The following SUFU variants were observed in gnomAD, a reference collection of about 807,000 sequenced individuals.
SUFU encodes the protein suppressor of fused homolog.
A neutral mutation model predicts 58.9 loss-of-function variants in SUFU; 7 were observed. The ratio of observed to expected loss-of-function variants is 0.12; its 90% CI spans 0.07 to 0.22. The LOEUF is 0.22. Among genes scored for constraint, SUFU ranks in the 10% least tolerant of loss-of-function variants. The pLI is 1.00. For synonymous variants in SUFU, 232 were observed against 254.8 expected, an observed-to-expected ratio of 0.91 and a Z score of 0.85; for missense variants, 451 against 641.3, an observed-to-expected ratio of 0.70 and a Z score of 3.20.
chr10:102,594,714 C>T (rs146691002), intron 6 of SUFU, among the ~76,000 whole-genome samples: 23 of 152,204 alleles, frequency 1.5e-4, no homozygotes, highest in Admixed American at 7.8e-4. Context: ...GCCACAAGAA[C>T]GTAACTGCCT....
chr10:102,567,006 CTTTTTT>C (rs1175563323), intron 3 of SUFU, among the ~76,000 whole-genome samples: 22 of 64,666 alleles, frequency 3.4e-4, no homozygotes, highest in Admixed American at 1.1e-3. Context: ...GAAACAGGCT[CTTTTTT>C]TTTTTTTTTT....
At position 102,536,712 on chromosome 10, in the gene SUFU, T is replaced by G. The variant is rs7921939; in HGVS notation, c.318-13258T>G. 1.8e-4 allele frequency among the ~76,000 whole-genome samples: 28 copies of G among 152,344 alleles called. No individual in the cohort carries two copies. In the East Asian group the frequency reaches 4.8e-3, roughly 26 times the overall value. On this transcript the variant is annotated intron_variant, in intron 2 of 11. Coordinates refer to ENST00000369902, the MANE Select transcript of SUFU (RefSeq NM_016169.4). ...TTTACTCACATTTAAAATTTCGTAT[T>G]TACATCAACATTTTGAATCATACTT...
At chr10:102,573,173 T>G (rs2063180253) in intron 3 of SUFU, 2 of 769,792 alleles carry the variant, frequency 2.6e-6, no homozygotes, top group Middle Eastern at 2.6e-4. Flanking sequence ...AGCCTTTGCT[T>G]TGGCTTCGGC....
intron 2 of SUFU, among the ~76,000 whole-genome samples, chr10:102,547,683 A>G (rs770174623): frequency 2.0e-4 from 31 of 152,298 alleles, no homozygotes; most frequent in African/African-American, 7.5e-4. Context: ...TTAGCTGGAC[A>G]TGGTGGTGCA....
chr10:102,528,060 A>G (rs1157840876), intron 2 of SUFU, among the ~76,000 whole-genome samples: 1 of 152,160 alleles, frequency 6.6e-6, no homozygotes, highest in East Asian at 1.9e-4. Context: ...TATTGATGCC[A>G]AGAAACCCAA....
chr10:102,514,583 C>A (rs540474553), intron 2 of SUFU, among the ~76,000 whole-genome samples: 97 of 152,352 alleles, frequency 6.4e-4, no homozygotes, highest in Non-Finnish European at 1.1e-3. Flanking sequence ...CTGCTCCCAA[C>A]TGACCTGAGT....
intron 2 of SUFU, among the ~76,000 whole-genome samples, chr10:102,526,294 T>G (rs1207922352): frequency 6.6e-6 from 1 of 151,856 alleles, no homozygotes; most frequent in African/African-American, 2.4e-5. Flanking sequence ...GACTCATGCC[T>G]CTAATCCCAG....
chr10:102,615,253 G>A lies in SUFU; in HGVS notation c.1023-15G>A. On this transcript the variant is annotated splice_polypyrimidine_tract_variant and intron_variant, in intron 8 of 11. Transcript: ENST00000369902. ...TTCACCTTGTGCCGAACCTTTTCCT[G>A]TGCTTGCTTCACAGGAGCCGCAAAG... 6.2e-7 allele frequency: 1 copy of A among 1,614,062 alleles called. No individual in the cohort carries two copies. Among genetic ancestry groups the A allele is most frequent in the Non-Finnish European group, 8.5e-7 (1 of 1,180,008 alleles).
At chr10:102,534,506 G>A (rs924285870) in intron 2 of SUFU, among the ~76,000 whole-genome samples, 1 of 152,206 alleles carries the variant, frequency 6.6e-6, no homozygotes, top group African/African-American at 2.4e-5. Context: ...CGGAGGCCAC[G>A]CAAGGGGAAA....
At chr10:102,541,697 C>CT (rs869264798) in intron 2 of SUFU, among the ~76,000 whole-genome samples, 3,018 of 56,082 alleles carry the variant, frequency 0.054, 108 homozygotes, top group East Asian at 0.092. Flanking sequence ...CCGCGCCCGG[C>CT]TTTTTTTTTT....
Position 102,625,867 on chromosome 10 carries a change from CTCCT to C in SUFU, c.1297-1302_1297-1299del, listed in dbSNP as rs2063782088. On this transcript the variant is annotated intron_variant, in intron 10 of 11. Coordinates refer to ENST00000369902, the MANE Select transcript of SUFU (RefSeq NM_016169.4). The surrounding 1 kb of genome is among the most constrained non-coding windows in gnomAD (Gnocchi z 4.7). ...CTGTGTGCTCACCTTCCTGTGTGCA[CTCCT>C]TCCTTGTTATCTCACAGCGTGGAAA... Among the ~76,000 whole-genome samples the C allele has an allele frequency of 6.6e-6, 1 of 152,234 alleles. No homozygotes were observed. Among genetic ancestry groups the C allele is most frequent in the African/African-American group, 2.4e-5 (1 of 41,462 alleles).
chr10:102,593,953 G>A (rs1433728764), intron 5 of SUFU, 40 bp from the exon 6 acceptor site: 1 of 1,612,250 alleles, frequency 6.2e-7, no homozygotes, highest in Non-Finnish European at 8.5e-7. Flanking sequence ...ATCAGCCCCA[G>A]ACCCTCAGTT....
At chr10:102,506,050 A>G (rs963716868) in intron 1 of SUFU, among the ~76,000 whole-genome samples, 12 of 149,268 alleles carry the variant, frequency 8.0e-5, no homozygotes, top group Non-Finnish European at 1.2e-4. Flanking sequence ...AAAAAAAAAA[A>G]AAAAAAAAAA....
intron 2 of SUFU, among the ~76,000 whole-genome samples, chr10:102,516,502 A>T (rs2062472182): frequency 6.6e-6 from 1 of 152,038 alleles, no homozygotes. Context: ...CAATTCAGAG[A>T]GTCCCTCAAC....
intron 2 of SUFU, among the ~76,000 whole-genome samples, chr10:102,529,237 A>C (rs1043860119): frequency 6.6e-6 from 1 of 152,140 alleles, no homozygotes; most frequent in Non-Finnish European, 1.5e-5. Context: ...TTTATTTAGT[A>C]GTTGTTGACT....
chr10:102,601,968 A>G (rs1323416051), intron 8 of SUFU, among the ~76,000 whole-genome samples: 1 of 152,182 alleles, frequency 6.6e-6, no homozygotes, highest in Non-Finnish European at 1.5e-5. Context: ...GGTCTAAGGA[A>G]GATACAGAGC....
Position 102,630,242 on chromosome 10 carries a change from A to G in SUFU, c.*87A>G. 1 of 1,179,394 alleles carries G rather than the reference A, an allele frequency of 8.5e-7. No individual in the cohort carries two copies. The highest frequency in any genetic ancestry group is 2.3e-5 in the East Asian group (1 of 42,790). The allele number at this position is 1,179,394 out of a possible 1,614,324, so 73.1% of individuals were successfully genotyped here. A position where few individuals can be genotyped will look rare whatever the true frequency, so the allele number is the denominator to read the frequency against. ...TAACAGTTGTGTCAACGAGATCTCC[A>G]CAAATAAAAGGACAAGTGTGAGGAA... On this transcript the variant is annotated 3_prime_UTR_variant, in exon 12 of 12. Coordinates refer to ENST00000369902, the MANE Select transcript of SUFU (RefSeq NM_016169.4).
intron 3 of SUFU, among the ~76,000 whole-genome samples, chr10:102,551,046 G>A (rs1239389751): frequency 6.6e-6 from 1 of 152,060 alleles, no homozygotes; most frequent in African/African-American, 2.4e-5. Flanking sequence ...CCTGGCCAGT[G>A]ACTTCTTTTT....
chr10:102,535,676 T>C (rs1053107654), intron 2 of SUFU, among the ~76,000 whole-genome samples: 39 of 152,248 alleles, frequency 2.6e-4, no homozygotes, highest in African/African-American at 8.4e-4. Flanking sequence ...TGAGCCATAA[T>C]GCCTAACCCT....
Sources: gnomAD v4.1 joint callset for allele counts (sites outside exome capture counted in the v4.1 genomes callset) on GRCh38, gnomAD v4.1.1 for gene constraint, Gnocchi (gnomAD v3.1) non-coding constraint, MANE v1.5 for transcripts, NCBI Gene and HGNC (gene_info 2026-07-23, HGNC 2026-07-21) for gene names.